The following CPD variants were observed in gnomAD, a reference collection of about 807,000 sequenced individuals.
The protein encoded by CPD is metallocarboxypeptidase D.
A neutral mutation model predicts 138.3 loss-of-function variants in CPD; 69 were observed. The observed-to-expected ratio is 0.50, with a 90% CI of 0.41 to 0.61. The LOEUF is 0.61. Ranked by LOEUF, CPD falls within the 20% of genes least tolerant of loss-of-function variation. CPD has a pLI of 0.00. For synonymous variants in CPD, 651 were observed against 642.1 expected (o/e 1.01, Z -0.21); for missense variants, 1,432 against 1,733.3 (o/e 0.83, Z 3.09).
intron 6 of CPD, among the ~76,000 whole-genome samples, chr17:30,425,518 T>A (rs1401466224): frequency 1.3e-5 from 2 of 151,970 alleles, no homozygotes; most frequent in Non-Finnish European, 2.9e-5. Flanking sequence ...TAGCTGGACG[T>A]GGTGGTGCAC....
intron 15 of CPD, chr17:30,456,031 C>T: frequency 2.0e-6 from 1 of 508,454 alleles, no homozygotes; most frequent in Non-Finnish European, 3.5e-6. Flanking sequence ...GTGTGATAGT[C>T]TGTTGTGAAA....
At chr17:30,418,971 A>T (rs989803965) in intron 2 of CPD, among the ~76,000 whole-genome samples, 7 of 152,140 alleles carry the variant, frequency 4.6e-5, no homozygotes, top group African/African-American at 1.4e-4. Context: ...CGTACACTTA[A>T]CCTAACTTTT....
At chr17:30,415,327 C>T (rs1310840198) in intron 2 of CPD, among the ~76,000 whole-genome samples, 1 of 152,184 alleles carries the variant, frequency 6.6e-6, no homozygotes, top group Non-Finnish European at 1.5e-5. Flanking sequence ...GAAGGTAATT[C>T]TAATTGTATC....
At chr17:30,442,663 A>G (rs1912910033) in intron 10 of CPD, among the ~76,000 whole-genome samples, 1 of 152,136 alleles carries the variant, frequency 6.6e-6, no homozygotes, top group Non-Finnish European at 1.5e-5. Context: ...TGTGAGGAAA[A>G]GTTGAAGAAA....
Position 30,420,983 on chromosome 17 carries a change from G to T in CPD, c.1137G>T (p.Lys379Asn). Reference protein sequence around the residue: ...NRESLITLIEKVHIGVKGFVK... With the variant: ...NRESLITLIENVHIGVKGFVK... ...AGTCTTTGATCACATTGATTGAAAA[G>T]GTAAAAGTAGATGACTGGAATGTTG... Residue 379 changes from lysine (K) to asparagine (N), a missense_variant and splice_region_variant, in exon 3 of 21, where the codon AAG (lysine) becomes AAT (asparagine). By Grantham distance (94) the Lys-to-Asn change is moderately conservative. This residue lies in a region of CPD where 160 missense variants were observed against 197.9 expected (regional missense o/e 0.81). Transcript: ENST00000225719. The T allele has an allele frequency of 6.2e-7, 1 of 1,611,934 alleles. No individual in the cohort carries two copies. Among genetic ancestry groups the T allele is most frequent in the South Asian group, 1.1e-5 (1 of 90,646 alleles).
Position 30,455,382 on chromosome 17 carries a change from G to T in CPD, c.3249G>T (p.Leu1083Phe), listed in dbSNP as rs1347946397. 6.2e-7 allele frequency: 1 copy of T among 1,613,428 alleles called. No individual in the cohort carries two copies. The highest frequency in any genetic ancestry group is 8.5e-7 in the Non-Finnish European group (1 of 1,179,750). ...AGACCAAAGCCATCATTGAAAATTT[G>T]ATTCAAAAACAGGACTTTAGTCTTT... is the stretch of plus-strand genomic sequence containing the variant. ...QPETKAIIEN[L>F]IQKQDFSLSV... Residue 1083 changes from leucine (L) to phenylalanine (F), a missense_variant, in exon 15 of 21, where the codon TTG (leucine) becomes TTT (phenylalanine). Leu to Phe is a conservative substitution (Grantham distance 22). This residue lies in a region of CPD where 366 missense variants were observed against 518.8 expected (regional missense o/e 0.71). Coordinates refer to ENST00000225719, the MANE Select transcript of CPD (RefSeq NM_001304.5).
intron 2 of CPD, among the ~76,000 whole-genome samples, chr17:30,386,105 C>T (rs1911178951): frequency 6.6e-6 from 1 of 152,154 alleles, no homozygotes. Context: ...TCATAGCTCA[C>T]TGTAATCACA....
At chr17:30,411,683 C>G (rs1226724296) in intron 2 of CPD, among the ~76,000 whole-genome samples, 1 of 152,146 alleles carries the variant, frequency 6.6e-6, no homozygotes, top group Non-Finnish European at 1.5e-5. Context: ...TCATGAAGTT[C>G]TCGTACTGTG....
rs190075642 is a variant in CPD, at chr17:30,391,715, G to A, written c.994+6479G>A. 1.4e-3 allele frequency among the ~76,000 whole-genome samples: 206 copies of A among 152,116 alleles called. 2 individuals are homozygous for A. The highest frequency in any genetic ancestry group is 3.4e-4 in the Non-Finnish European group (23 of 67,980). ...GAGACAAATTAATGAATTTCTCTAA[G>A]CCTCAATTCCCACTTATATAAAATT... On this transcript the variant is annotated intron_variant, in intron 2 of 20. Transcript: ENST00000225719.
At chr17:30,415,845 C>G (rs1912091368) in intron 2 of CPD, among the ~76,000 whole-genome samples, 1 of 152,182 alleles carries the variant, frequency 6.6e-6, no homozygotes. Flanking sequence ...TATAACATGG[C>G]TGAACCTTAG....
chr17:30,444,733 C>T (rs1912982461), intron 11 of CPD, among the ~76,000 whole-genome samples: 1 of 151,736 alleles, frequency 6.6e-6, no homozygotes, highest in African/African-American at 2.4e-5. Context: ...TTGTAGTTTT[C>T]TTTTTTATCT....
At chr17:30,432,677 C>T (rs1912594583) in intron 8 of CPD, among the ~76,000 whole-genome samples, 1 of 152,074 alleles carries the variant, frequency 6.6e-6, no homozygotes, top group East Asian at 1.9e-4. Context: ...TAGGGCAAGG[C>T]AGGAGAATTG....
intron 2 of CPD, among the ~76,000 whole-genome samples, chr17:30,411,968 A>G (rs891351923): frequency 2.0e-5 from 3 of 152,144 alleles, no homozygotes; most frequent in African/African-American, 7.2e-5. Flanking sequence ...TCAGCTTTTC[A>G]GCCCTGGTTT....
At chr17:30,406,950 G>A (rs1266716950) in intron 2 of CPD, among the ~76,000 whole-genome samples, 4 of 152,210 alleles carry the variant, frequency 2.6e-5, no homozygotes, top group Non-Finnish European at 5.9e-5. Context: ...TTCTCCTAAT[G>A]CTATCCCTCC....
intron 6 of CPD, 142 bp downstream of exon 6, chr17:30,423,839 A>G (rs1912332758): frequency 5.0e-6 from 3 of 603,508 alleles, no homozygotes; most frequent in African/African-American, 1.9e-5. Context: ...TAGCTCTTGT[A>G]TTCTTATATG....
At chr17:30,459,280 C>T (rs896204475) in intron 17 of CPD, among the ~76,000 whole-genome samples, 13 of 149,450 alleles carry the variant, frequency 8.7e-5, no homozygotes, top group African/African-American at 3.2e-4. Flanking sequence ...GCACAACGTG[C>T]AGGTTAGTTA....
At chr17:30,407,731 G>C (rs1200398460) in intron 2 of CPD, among the ~76,000 whole-genome samples, 1 of 151,870 alleles carries the variant, frequency 6.6e-6, no homozygotes, top group Non-Finnish European at 1.5e-5. Flanking sequence ...TTGTCAGATG[G>C]GCAGATTGCA....
chr17:30,387,034 T>C (rs1249260795), intron 2 of CPD, among the ~76,000 whole-genome samples: 1 of 152,212 alleles, frequency 6.6e-6, no homozygotes, highest in East Asian at 1.9e-4. Context: ...TTTTCCACAG[T>C]AGATATACCA....
intron 17 of CPD, among the ~76,000 whole-genome samples, chr17:30,459,146 CTTTTTTTT>C (rs34756707): frequency 1.5e-5 from 1 of 64,940 alleles, no homozygotes; most frequent in Non-Finnish European, 3.5e-5. Flanking sequence ...GCCAGTATCA[CTTTTTTTT>C]TTTTTTTTTT....
Sources: allele counts gnomAD v4.1 joint callset (sites outside exome capture counted in the v4.1 genomes callset), GRCh38; gene constraint gnomAD v4.1.1; regional missense constraint gnomAD v4.1.1; transcripts MANE v1.5; gene names NCBI Gene and HGNC (gene_info 2026-07-23, HGNC 2026-07-21).